TTC29: variants seen among roughly 807,000 people sequenced by gnomAD.
TTC29 encodes tetratricopeptide repeat protein 29.
A neutral mutation model predicts 58.1 loss-of-function variants in TTC29; 49 were observed. The observed-to-expected ratio is 0.84, with a 90% confidence interval of 0.67 to 1.07. The LOEUF (loss-of-function observed/expected upper bound fraction) is 1.07, where lower values mean the gene tolerates loss of function less well. Among genes scored for constraint, TTC29 ranks in the 50% least tolerant of loss-of-function variants. TTC29 has a pLI of 0.00. For missense variants in TTC29, 582 were observed against 555.6 expected, an observed-to-expected ratio of 1.05 and a Z score of -0.48; for synonymous variants, 209 against 196.8, an observed-to-expected ratio of 1.06 and a Z score of -0.52.
At chr4:146,867,615 A>G (rs1304061623) in intron 7 of TTC29, 32 bp from the exon 8 acceptor site, 3 of 1,033,696 alleles carry the variant, frequency 2.9e-6, no homozygotes, top group Admixed American at 5.6e-5. Context: ...ATTACCAAGT[A>G]TTCAATAAAT....
chr4:146,859,299 C>A (rs1200923994), intron 8 of TTC29, among the ~76,000 whole-genome samples: 1 of 152,162 alleles, frequency 6.6e-6, no homozygotes, highest in Admixed American at 6.6e-5. Flanking sequence ...CAAAGGAACA[C>A]TGAGTCTCAG....
At chr4:146,816,534 G>C (rs995335397) in intron 10 of TTC29, among the ~76,000 whole-genome samples, 2 of 152,106 alleles carry the variant, frequency 1.3e-5, no homozygotes, top group African/African-American at 4.8e-5. Flanking sequence ...GTGGAGATGG[G>C]GGAGAGGGAT....
chr4:146,781,104 C>T lies in TTC29; in HGVS notation c.1330+22353G>A, dbSNP rs1339318008. 2.6e-5 allele frequency among the ~76,000 whole-genome samples: 4 copies of T among 152,020 alleles called. No homozygotes were observed. The South Asian group carries it at 6.2e-4, about 24-fold the overall frequency. On this transcript the variant is annotated intron_variant, in intron 11 of 12. Coordinates refer to ENST00000325106, the MANE Select transcript of TTC29 (RefSeq NM_031956.4). Reference sequence around the variant, plus strand: ...GGAAAAGAAAATGGCACCAGACATGCTTTGTTATAAAAATACATCCTCCCC... The same window carrying T: ...GGAAAAGAAAATGGCACCAGACATGTTTTGTTATAAAAATACATCCTCCCC...
intron 4 of TTC29, among the ~76,000 whole-genome samples, chr4:146,917,693 CTTATA>C (rs1230835314): frequency 4.1e-5 from 4 of 97,738 alleles, no homozygotes; most frequent in South Asian, 3.5e-4. Context: ...TATTATATTA[CTTATA>C]TTAAATTATA....
chr4:146,851,745 T>C (rs1729529832), intron 8 of TTC29, among the ~76,000 whole-genome samples: 1 of 152,018 alleles, frequency 6.6e-6, no homozygotes, highest in South Asian at 2.1e-4. Context: ...ACATCCAGAG[T>C]TTTTCTGAAT....
intron 6 of TTC29, among the ~76,000 whole-genome samples, chr4:146,883,194 G>C (rs1364426268): frequency 1.3e-5 from 2 of 151,968 alleles, no homozygotes; most frequent in Admixed American, 6.6e-5. Flanking sequence ...CCAGGTTTTG[G>C]CCATCTGCCC....
chr4:146,745,418 G>A (rs566179180), intron 11 of TTC29, among the ~76,000 whole-genome samples: 4 of 152,356 alleles, frequency 2.6e-5, no homozygotes, highest in African/African-American at 9.6e-5. Flanking sequence ...GATAGCTTCA[G>A]ATTGATTAGC....
At position 146,707,123 on chromosome 4, in the gene TTC29, TTTC is replaced by T. The variant is rs761767328; in HGVS notation, c.*32_*34del. On this transcript the variant is annotated 3_prime_UTR_variant, in exon 13 of 13. Transcript: ENST00000325106. The stretch of plus-strand genomic sequence containing the variant: ...TTGAAGTCTAAGGTGACATGATGGA[TTTC>T]TTCTTGCTTTGATGTTAAGTGAAAA... The T allele has an allele frequency of 6.7e-7, 1 of 1,498,282 alleles. No homozygotes were observed. The highest frequency in any genetic ancestry group is 1.3e-5 in the South Asian group (1 of 75,072). 92.8% of individuals were successfully genotyped at this position (1,498,282 alleles called of 1,614,324 possible). A position where few individuals can be genotyped will look rare whatever the true frequency, so the allele number is the denominator to read the frequency against.
At chr4:146,819,114 AAAT>A (rs1341238627) in intron 10 of TTC29, among the ~76,000 whole-genome samples, 1 of 144,932 alleles carries the variant, frequency 6.9e-6, no homozygotes, top group Non-Finnish European at 1.5e-5. Context: ...ACAATAATAA[AAAT>A]AAATAAATAA....
chr4:146,896,008 T>TA (rs1171773758), intron 6 of TTC29, among the ~76,000 whole-genome samples: 1 of 152,192 alleles, frequency 6.6e-6, no homozygotes, highest in Non-Finnish European at 1.5e-5. Flanking sequence ...AGATAAAAAT[T>TA]AAAATCATAC....
intron 4 of TTC29, among the ~76,000 whole-genome samples, chr4:146,909,728 C>T (rs1733771121): frequency 6.6e-6 from 1 of 152,258 alleles, no homozygotes; most frequent in Non-Finnish European, 1.5e-5. Flanking sequence ...CTATTACTAA[C>T]TATATATTTT....
intron 11 of TTC29, among the ~76,000 whole-genome samples, chr4:146,762,112 A>G (rs1375929989): frequency 6.6e-6 from 1 of 151,724 alleles, no homozygotes; most frequent in Non-Finnish European, 1.5e-5. Context: ...ATTAAGGTTT[A>G]TTTGCCTAGT....
chr4:146,720,194 T>G (rs1290221064), intron 11 of TTC29, among the ~76,000 whole-genome samples: 1 of 152,138 alleles, frequency 6.6e-6, no homozygotes, highest in African/African-American at 2.4e-5. Flanking sequence ...CTGTTCAATA[T>G]CAGATTGATC....
chr4:146,937,512 A>T (rs567757294), intron 4 of TTC29, 82 bp downstream of exon 4: 1 of 911,630 alleles, frequency 1.1e-6, no homozygotes, highest in South Asian at 1.7e-5. Context: ...AGTATATTAC[A>T]CAGGAAAATT....
chr4:146,792,274 C>T (rs976607235), intron 11 of TTC29, among the ~76,000 whole-genome samples: 8 of 152,128 alleles, frequency 5.3e-5, no homozygotes, highest in East Asian at 1.9e-4. Context: ...GTGACTTTGA[C>T]GTTGAAGCCC....
At chr4:146,882,042 C>T (rs1467494199) in intron 6 of TTC29, among the ~76,000 whole-genome samples, 2 of 152,086 alleles carry the variant, frequency 1.3e-5, no homozygotes, top group Non-Finnish European at 2.9e-5. Flanking sequence ...ATTGACCAGA[C>T]AATGTAAAGA....
At position 146,940,022 on chromosome 4, in the gene TTC29, A is replaced by C. The variant is rs73855089; in HGVS notation, c.-6-121T>G. On this transcript the variant is annotated intron_variant, in intron 2 of 12. Coordinates refer to ENST00000325106, the MANE Select transcript of TTC29 (RefSeq NM_031956.4). The stretch of plus-strand genomic sequence containing the variant: ...GTTGAGAATGCCTATGTGTAGTGCT[A>C]CAGCTGTGTTATTCGGGAATCATGC... 0.019 allele frequency: 16,247 copies of C among 867,608 alleles called. 1,943 individuals carry two copies. In the African/African-American group the frequency reaches 0.25, roughly 14 times the overall value. 53.7% of individuals were successfully genotyped at this position (867,608 alleles called of 1,614,324 possible). A position where few individuals can be genotyped will look rare whatever the true frequency, so the allele number is the denominator to read the frequency against.
At chr4:146,881,421 A>G (rs1421538099) in intron 6 of TTC29, among the ~76,000 whole-genome samples, 1 of 152,118 alleles carries the variant, frequency 6.6e-6, no homozygotes, top group Non-Finnish European at 1.5e-5. Context: ...TTAGTTTAAA[A>G]CAACAACCTA....
Position 146,927,153 on chromosome 4 carries a change from T to G in TTC29, c.176+10441A>C, listed in dbSNP as rs541451462. 7.2e-5 allele frequency among the ~76,000 whole-genome samples: 11 copies of G among 151,906 alleles called. No homozygotes were observed. In the East Asian group the frequency reaches 1.4e-3, roughly 19 times the overall value. ...CATGTATAAATGTGAGTGTAATATA[T>G]TAAACCAATATTTAAAAGCACAAAT... On this transcript the variant is annotated intron_variant, in intron 4 of 12. Coordinates refer to ENST00000325106, the MANE Select transcript of TTC29 (RefSeq NM_031956.4).
Sources: allele counts gnomAD v4.1 joint callset (sites outside exome capture counted in the v4.1 genomes callset), GRCh38; gene constraint gnomAD v4.1.1; transcripts MANE v1.5; gene names NCBI Gene and HGNC (gene_info 2026-07-23, HGNC 2026-07-21).